ADAM18: variants seen among roughly 807,000 people sequenced by gnomAD.
ADAM18 encodes ADAM metallopeptidase domain 18.
A neutral mutation model predicts 94.4 loss-of-function variants in ADAM18; 117 were observed. The ratio of observed to expected loss-of-function variants is 1.24; its 90% CI spans 1.07 to 1.45. The LOEUF is 1.45. Ranked by LOEUF, ADAM18 falls within the 40% of genes most tolerant of loss-of-function variation. The probability of loss-of-function intolerance (pLI) is 0.00; values close to 1 mark genes in which losing one functional copy is unlikely to be tolerated. For missense variants in ADAM18, 936 were observed against 880.0 expected (o/e 1.06, Z -0.81); for synonymous variants, 327 against 291.6 (o/e 1.12, Z -1.24).
At chr8:39,709,205 C>T (rs184686287) in intron 18 of ADAM18, among the ~76,000 whole-genome samples, 166 of 152,054 alleles carry the variant, frequency 1.1e-3, no homozygotes, top group Admixed American at 1.8e-3. Flanking sequence ...GAAGGGGAGC[C>T]GAAAAGGGGA....
At chr8:39,601,810 A>G (rs1818913724) in intron 2 of ADAM18, among the ~76,000 whole-genome samples, 1 of 152,236 alleles carries the variant, frequency 6.6e-6, no homozygotes, top group Admixed American at 6.5e-5. Flanking sequence ...CTGTATACCC[A>G]TTAAATACTA....
intron 7 of ADAM18, among the ~76,000 whole-genome samples, chr8:39,637,042 TATATATA>T (rs1563285255): frequency 6.3e-5 from 9 of 143,034 alleles, no homozygotes; most frequent in African/African-American, 2.3e-4. Context: ...TATATATATA[TATATATA>T]TATATATATA....
chr8:39,681,759 T>C (rs1163259510), intron 16 of ADAM18, among the ~76,000 whole-genome samples: 1 of 152,130 alleles, frequency 6.6e-6, no homozygotes, highest in African/African-American at 2.4e-5. Flanking sequence ...AGGAGTATAT[T>C]ATTGAAAACT....
At chr8:39,660,830 T>C (rs1820814315) in intron 12 of ADAM18, among the ~76,000 whole-genome samples, 1 of 152,200 alleles carries the variant, frequency 6.6e-6, no homozygotes, top group Non-Finnish European at 1.5e-5. Context: ...ACATTTATAA[T>C]CTGTGCAATA....
At chr8:39,692,760 C>A in intron 17 of ADAM18, 80 bp downstream of exon 17, 1 of 1,131,164 alleles carries the variant, frequency 8.8e-7, no homozygotes, top group South Asian at 1.6e-5. Flanking sequence ...GATTGAGAGT[C>A]TAGGTTGACT....
chr8:39,609,241 A>G, intron 4 of ADAM18, 121 bp downstream of exon 4: 1 of 792,878 alleles, frequency 1.3e-6, no homozygotes, highest in Non-Finnish European at 2.0e-6. Context: ...TGACTTTTGT[A>G]CATAGAAATG....
At chr8:39,599,641 C>T (rs112769262) in intron 2 of ADAM18, among the ~76,000 whole-genome samples, 121 of 152,112 alleles carry the variant, frequency 8.0e-4, no homozygotes, top group African/African-American at 2.8e-3. Context: ...ACAGATATTG[C>T]TCATATATTT....
At chr8:39,714,314 A>T (rs1263433385) in intron 18 of ADAM18, among the ~76,000 whole-genome samples, 1 of 152,138 alleles carries the variant, frequency 6.6e-6, no homozygotes, top group Non-Finnish European at 1.5e-5. Context: ...GGTGAGGGAT[A>T]GCATTAGGAG....
At chr8:39,601,513 T>C (rs1008012123) in intron 2 of ADAM18, among the ~76,000 whole-genome samples, 2 of 152,226 alleles carry the variant, frequency 1.3e-5, no homozygotes, top group South Asian at 4.1e-4. Flanking sequence ...TGGTTTGCCT[T>C]CTTAGTTTTT....
At chr8:39,671,573 A>G (rs189573152) in intron 14 of ADAM18, among the ~76,000 whole-genome samples, 276 of 152,274 alleles carry the variant, frequency 1.8e-3, no homozygotes, top group African/African-American at 6.1e-3. Flanking sequence ...TGGGGTTCCA[A>G]TTGGGAGAAG....
chr8:39,703,023 G>C (rs1014772345), intron 17 of ADAM18, among the ~76,000 whole-genome samples: 1 of 152,152 alleles, frequency 6.6e-6, no homozygotes, highest in African/African-American at 2.4e-5. Flanking sequence ...TGTGAAGCAA[G>C]TCAATGTTAA....
chr8:39,649,260 A>G (rs2129579627), intron 12 of ADAM18, among the ~76,000 whole-genome samples: 2 of 152,188 alleles, frequency 1.3e-5, no homozygotes, highest in Non-Finnish European at 2.9e-5. Flanking sequence ...AAGTCATCCT[A>G]TATTTCACAA....
intron 17 of ADAM18, among the ~76,000 whole-genome samples, chr8:39,701,036 T>G (rs1329146935): frequency 7.6e-6 from 1 of 131,470 alleles, no homozygotes; most frequent in Non-Finnish European, 1.6e-5. Context: ...GAGAATGGCG[T>G]GAACCCGGGA....
chr8:39,697,532 C>CTA (rs1407426787), intron 17 of ADAM18, among the ~76,000 whole-genome samples: 6 of 151,572 alleles, frequency 4.0e-5, no homozygotes, highest in African/African-American at 7.2e-5. Context: ...ATTTTGTCTT[C>CTA]TATATATTTT....
At chr8:39,586,489 T>A (rs1348650307) in intron 2 of ADAM18, among the ~76,000 whole-genome samples, 5 of 152,210 alleles carry the variant, frequency 3.3e-5, no homozygotes, top group African/African-American at 7.2e-5. Flanking sequence ...CCCAACACTT[T>A]GGGATCCCAA....
chr8:39,697,838 C>G (rs1489848827), intron 17 of ADAM18, among the ~76,000 whole-genome samples: 1 of 151,630 alleles, frequency 6.6e-6, no homozygotes, highest in Non-Finnish European at 1.5e-5. Flanking sequence ...ATGCATTTTA[C>G]TTTTGCTTCT....
chr8:39,687,524 A>G (rs1438226183), intron 16 of ADAM18, among the ~76,000 whole-genome samples: 1 of 152,148 alleles, frequency 6.6e-6, no homozygotes, highest in Non-Finnish European at 1.5e-5. Context: ...ACATGGGTAA[A>G]TTACATGACA....
chr8:39,673,910 A>C (rs1280840537), intron 14 of ADAM18, among the ~76,000 whole-genome samples: 1 of 152,158 alleles, frequency 6.6e-6, no homozygotes, highest in Non-Finnish European at 1.5e-5. Context: ...CAAATTGTTC[A>C]GTTTCCATGT....
chr8:39,722,974 C>A (rs1216352060), intron 18 of ADAM18, among the ~76,000 whole-genome samples: 3 of 132,240 alleles, frequency 2.3e-5, no homozygotes, highest in Non-Finnish European at 4.8e-5. Flanking sequence ...ATTAAACAAA[C>A]CATGATCATT....
Sources: gnomAD v4.1 joint callset for allele counts (sites outside exome capture counted in the v4.1 genomes callset) on GRCh38, gnomAD v4.1.1 for gene constraint, MANE v1.5 for transcripts, NCBI Gene and HGNC (gene_info 2026-07-23, HGNC 2026-07-21) for gene names.